Variants in DHRSX observed in about 807,000 individuals in gnomAD.
DHRSX encodes the protein polyprenol dehydrogenase.
In DHRSX, 31 loss-of-function variants were observed where a neutral mutation model predicts 34.0. The ratio of observed to expected loss-of-function variants is 0.91; its 90% CI spans 0.69 to 1.23. DHRSX has a LOEUF of 1.23. Among genes scored for constraint, DHRSX ranks in the 50% most tolerant of loss-of-function variants. The probability of loss-of-function intolerance (pLI) is 0.00; values close to 1 mark genes in which losing one functional copy is unlikely to be tolerated. For missense variants in DHRSX, 414 were observed against 428.1 expected, an observed-to-expected ratio of 0.97 and a Z score of 0.29; for synonymous variants, 201 against 183.8, an observed-to-expected ratio of 1.09 and a Z score of -0.76.
intron 1 of DHRSX, among the ~76,000 whole-genome samples, chrX:2,443,489 T>C (rs6642166): frequency 0.33 from 49,519 of 151,816 alleles, 9,333 homozygotes; most frequent in African/African-American, 0.52. Context: ...AGGGGAGTTC[T>C]GCCTCTCCGG....
At chrX:2,351,545 G>A (rs2042788790) in intron 3 of DHRSX, among the ~76,000 whole-genome samples, 1 of 152,192 alleles carries the variant, frequency 6.6e-6, no homozygotes, top group Non-Finnish European at 1.5e-5. Context: ...AAGAGGACAT[G>A]GTACAGTGAA....
chrX:2,442,926 G>A (rs370310887), intron 1 of DHRSX, among the ~76,000 whole-genome samples: 91 of 152,252 alleles, frequency 6.0e-4, no homozygotes, highest in African/African-American at 2.0e-3. Context: ...TGCGTGTTCC[G>A]TCACATGTCA....
In DHRSX at chrX:2,360,487, G is replaced by A. The variant is rs772793666; in HGVS notation, c.286+48258C>T. On this transcript the variant is annotated intron_variant, in intron 3 of 6. Coordinates refer to ENST00000334651, the MANE Select transcript of DHRSX (RefSeq NM_145177.3). ...AATCCCAGCTACTTGGGAGGCTGAGGCAGGAGAATCGCTTGAACCCGGGAG... is the reference window on the plus strand; with the variant it reads ...AATCCCAGCTACTTGGGAGGCTGAGACAGGAGAATCGCTTGAACCCGGGAG... Among the ~76,000 whole-genome samples the A allele has an allele frequency of 5.5e-4, 84 of 152,260 alleles. 1 individual carries two copies. The highest frequency in any genetic ancestry group is 1.9e-3 in the African/African-American group (80 of 41,538).
intron 1 of DHRSX, chrX:2,488,768 G>C (rs2045026501): frequency 1.2e-6 from 2 of 1,613,928 alleles, no homozygotes; most frequent in Non-Finnish European, 8.5e-7. Flanking sequence ...CCCACTCCGG[G>C]CGTTCTCATA....
chrX:2,356,395 T>C (rs2042852560), intron 3 of DHRSX, among the ~76,000 whole-genome samples: 1 of 151,764 alleles, frequency 6.6e-6, no homozygotes, highest in Non-Finnish European at 1.5e-5. Flanking sequence ...AAAAAATGAA[T>C]GTGGAGAATC....
chrX:2,248,046 C>T (rs2016339129), intron 5 of DHRSX, among the ~76,000 whole-genome samples: 3 of 152,134 alleles, frequency 2.0e-5, no homozygotes, highest in Admixed American at 6.5e-5. Context: ...GGCTATAATC[C>T]CGGCACTTTG....
Position 2,493,052 on chromosome X carries a change from G to C in DHRSX, c.109+7765C>G, listed in dbSNP as rs763895868. 1.5e-4 allele frequency among the ~76,000 whole-genome samples: 23 copies of C among 152,380 alleles called. No individual in the cohort carries two copies. The South Asian group carries it at 2.5e-3, about 16-fold the overall frequency. ...GTGCCAGGTGAGCTGGGCATTGCCA[G>C]AGCCCAGCAGTGCCACTTCCCAAGA... On this transcript the variant is annotated intron_variant, in intron 1 of 6. Transcript: ENST00000334651.
chrX:2,347,226 A>T (rs894655412), intron 3 of DHRSX, among the ~76,000 whole-genome samples: 2 of 152,214 alleles, frequency 1.3e-5, no homozygotes, highest in African/African-American at 4.8e-5. Context: ...GGTGAAAGGC[A>T]CGTCTCACAT....
intron 3 of DHRSX, among the ~76,000 whole-genome samples, chrX:2,388,349 A>G (rs1165282647): frequency 1.3e-5 from 2 of 152,134 alleles, no homozygotes; most frequent in Admixed American, 6.5e-5. Flanking sequence ...TGGGGTCTTT[A>G]AAGAGGCAAT....
chrX:2,494,944 C>G (rs769769469), intron 1 of DHRSX, among the ~76,000 whole-genome samples: 12 of 151,766 alleles, frequency 7.9e-5, no homozygotes, highest in Non-Finnish European at 1.6e-4. Flanking sequence ...GGACCTGGAG[C>G]AAAGGTTTAT....
rs748255818 is a variant in DHRSX at position 2,225,208 on chromosome X, C to T, written c.805-3979G>A. ...TCACACATGCACACATTTGCATGCA[C>T]ATTCACATGTACACACATTCACATG... On this transcript the variant is annotated intron_variant, in intron 6 of 6. Coordinates refer to ENST00000334651, the MANE Select transcript of DHRSX (RefSeq NM_145177.3). 9.3e-5 allele frequency among the ~76,000 whole-genome samples: 14 copies of T among 151,038 alleles called. No individual in the cohort carries two copies. The East Asian group carries it at 2.6e-3, about 28-fold the overall frequency.
chrX:2,483,513 C>T (rs1179743929), intron 1 of DHRSX, among the ~76,000 whole-genome samples: 1 of 152,114 alleles, frequency 6.6e-6, no homozygotes, highest in African/African-American at 2.4e-5. Context: ...AAGCGATCCG[C>T]CTGCCTCGGC....
chrX:2,435,844 G>A (rs7057676), intron 1 of DHRSX, among the ~76,000 whole-genome samples: 8,505 of 152,198 alleles, frequency 0.056, 582 homozygotes, highest in African/African-American at 0.16. Context: ...TAAAAAACAG[G>A]AAAAACAAAA....
At chrX:2,462,199 A>AAG (rs1303106909) in intron 1 of DHRSX, among the ~76,000 whole-genome samples, 17 of 150,270 alleles carry the variant, frequency 1.1e-4, no homozygotes, top group African/African-American at 4.2e-4. Flanking sequence ...AAAAAAAAAA[A>AAG]GAAAAAAGTA....
At chrX:2,463,930 T>TCC (rs1294231219) in intron 1 of DHRSX, among the ~76,000 whole-genome samples, 4 of 151,860 alleles carry the variant, frequency 2.6e-5, no homozygotes, top group Non-Finnish European at 4.4e-5. Context: ...GGACTGCCAC[T>TCC]GTATGCACTG....
At chrX:2,268,952 T>TAC (rs201083088) in intron 4 of DHRSX, among the ~76,000 whole-genome samples, 4 of 152,206 alleles carry the variant, frequency 2.6e-5, no homozygotes, top group Non-Finnish European at 4.4e-5. Flanking sequence ...GTATGATTAA[T>TAC]ACACACACAC....
chrX:2,355,355 T>C (rs1159177205), intron 3 of DHRSX, among the ~76,000 whole-genome samples: 2 of 151,588 alleles, frequency 1.3e-5, no homozygotes, highest in Non-Finnish European at 2.9e-5. Flanking sequence ...CTACAAAAAA[T>C]ACAAAAATTA....
intron 3 of DHRSX, among the ~76,000 whole-genome samples, chrX:2,351,637 T>C (rs1426996004): frequency 6.6e-6 from 1 of 152,170 alleles, no homozygotes; most frequent in Non-Finnish European, 1.5e-5. Context: ...CCTGACTTCC[T>C]GCATGGCTGA....
At chrX:2,300,992 C>T (rs902161173) in intron 3 of DHRSX, among the ~76,000 whole-genome samples, 3 of 152,196 alleles carry the variant, frequency 2.0e-5, no homozygotes, top group African/African-American at 7.2e-5. Flanking sequence ...GACAGGGTAA[C>T]AATTCATAGC....
Sources: allele counts gnomAD v4.1 joint callset (sites outside exome capture counted in the v4.1 genomes callset), GRCh38; gene constraint gnomAD v4.1.1; transcripts MANE v1.5; gene names NCBI Gene and HGNC (gene_info 2026-07-23, HGNC 2026-07-21).